Variants in MYMK observed in about 807,000 individuals in gnomAD.
MYMK encodes the protein protein myomaker.
Under a neutral mutation model 22.4 loss-of-function variants are expected in MYMK, and 16 were observed. The ratio of observed to expected loss-of-function variants is 0.72; its 90% CI spans 0.48 to 1.09. MYMK has a LOEUF of 1.09. Ranked by LOEUF, MYMK falls within the 50% of genes least tolerant of loss-of-function variation. The pLI, the probability that MYMK is intolerant of heterozygous loss-of-function variation, is 0.00. For synonymous variants in MYMK, 125 were observed against 127.0 expected (o/e 0.98, Z 0.11); for missense variants, 250 against 295.6 (o/e 0.85, Z 1.13).
At position 133,517,119 on chromosome 9, in the gene MYMK, T is replaced by C. The variant is rs186300537; in HGVS notation, c.400-1512A>G. On this transcript the variant is annotated intron_variant, in intron 3 of 4. Transcript: ENST00000339996. The stretch of plus-strand genomic sequence containing the variant: ...GAATTCTCTTCTGGGCAATTACAGT[T>C]CAGCCCAGTTCAGACCTGGCCAAGA... Among the ~76,000 whole-genome samples, 364 of 152,146 alleles carry C rather than the reference T, an allele frequency of 2.4e-3. 3 individuals are homozygous for C. The highest frequency in any genetic ancestry group is 8.4e-3 in the African/African-American group (349 of 41,510).
rs55803657 is a variant in MYMK at position 133,521,432 on chromosome 9, G to A, written c.136-1144C>T. Reference sequence around the variant, plus strand: ...GGAGCGGGGGCCCTGGGTGATCTGGGGGGCAGGCAATTCGGGGTCAAAGTG... The same window carrying A: ...GGAGCGGGGGCCCTGGGTGATCTGGAGGGCAGGCAATTCGGGGTCAAAGTG... On this transcript the variant is annotated intron_variant, in intron 1 of 4. Coordinates refer to ENST00000339996, the MANE Select transcript of MYMK (RefSeq NM_001080483.3). 3.9e-3 allele frequency among the ~76,000 whole-genome samples: 586 copies of A among 152,204 alleles called. 3 individuals carry two copies. Among genetic ancestry groups the A allele is most frequent in the Admixed American group, 6.0e-3 (92 of 15,294 alleles).
At chr9:133,520,637 C>T (rs1320485539) in intron 1 of MYMK, among the ~76,000 whole-genome samples, 2 of 151,956 alleles carry the variant, frequency 1.3e-5, no homozygotes, top group East Asian at 3.9e-4. Flanking sequence ...GGGCGGTCTC[C>T]GGGAGGGACC....
chr9:133,517,701 G>A (rs1391528686), intron 3 of MYMK, among the ~76,000 whole-genome samples: 1 of 146,756 alleles, frequency 6.8e-6, no homozygotes, highest in East Asian at 2.0e-4. Context: ...TTCTGGCCCC[G>A]CCACTGCCCT....
chr9:133,515,540 G>C lies in MYMK; in HGVS notation c.467C>G (p.Pro156Arg). Residue 156 changes from proline (P) to arginine (R), a missense_variant, in exon 4 of 5, where the codon CCC becomes CGC. Pro to Arg is a moderately radical substitution (Grantham distance 103). Coordinates refer to ENST00000339996, the MANE Select transcript of MYMK (RefSeq NM_001080483.3). This position sits in a 1 kb window ranked among gnomAD's most constrained non-coding sequence, Gnocchi z 5.8. ...DKSVYTQQIG[P>R]GLCFGALALM... ...GGCCAGCGCCCCGAAGCAGAGGCCG[G>C]GGCCTATCTGCTGGGTGTAGACGCT... 6.2e-7 allele frequency: 1 copy of C among 1,614,048 alleles called. No homozygotes were observed. The highest frequency in any genetic ancestry group is 8.5e-7 in the Non-Finnish European group (1 of 1,179,900).
chr9:133,522,344 G>GGT (rs774200527), intron 1 of MYMK, among the ~76,000 whole-genome samples: 3 of 45,292 alleles, frequency 6.6e-5, no homozygotes, highest in African/African-American at 1.6e-4. Flanking sequence ...AGTGGCTGTC[G>GGT]GGGGGGGGCC....
In MYMK at chr9:133,524,704, A is replaced by G. The variant is rs752621552; in HGVS notation, c.135+6T>C. 1 of 1,614,062 alleles carries G rather than the reference A, an allele frequency of 6.2e-7. No homozygotes were observed. The highest frequency in any genetic ancestry group is 8.5e-7 in the Non-Finnish European group (1 of 1,180,014). On this transcript the variant is annotated splice_donor_region_variant and intron_variant, in intron 1 of 4. Coordinates refer to ENST00000339996, the MANE Select transcript of MYMK (RefSeq NM_001080483.3). ...TGTGGGACTTCCTCCCAGCCCCCAG[A>G]CTCACCGCCACGAAGAACAGGGTGA... is the stretch of plus-strand genomic sequence containing the variant.
intron 1 of MYMK, among the ~76,000 whole-genome samples, chr9:133,524,276 C>A (rs1417475912): frequency 2.0e-5 from 3 of 152,172 alleles, no homozygotes; most frequent in African/African-American, 7.2e-5. Context: ...CTGAACCCTG[C>A]AGACCCCTTC....
At chr9:133,516,176 G>T (rs1384148697) in intron 3 of MYMK, among the ~76,000 whole-genome samples, 1 of 152,278 alleles carries the variant, frequency 6.6e-6, no homozygotes, top group African/African-American at 2.4e-5. Context: ...TTACAGAGGG[G>T]TTTGCATTCC....
chr9:133,514,839 C>A (rs1394799882), intron 4 of MYMK, 54 bp from the exon 5 acceptor site: 2 of 1,578,404 alleles, frequency 1.3e-6, no homozygotes, highest in Non-Finnish European at 1.7e-6. Flanking sequence ...CGAGGCTCCT[C>A]CCTCTCCAAG....
In MYMK at chr9:133,524,779, G is replaced by C. The variant is rs756927475; in HGVS notation, c.66C>G (p.Val22=). Reference sequence around the variant, plus strand: ...GGAACCGCCTCTTGGCCGCGATGCTGACAGTGGGGAGGAAGGCCAGGCTGC... The same window carrying C: ...GGAACCGCCTCTTGGCCGCGATGCTCACAGTGGGGAGGAAGGCCAGGCTGC... ...TLSSLAFLPT[V]SIAAKRRFHM... The change falls in exon 1 of 5, where the codon GTC becomes GTG. Residue 22 remains valine, a synonymous_variant. Transcript: ENST00000339996. 49 of 1,614,132 alleles carry C rather than the reference G, an allele frequency of 3.0e-5. No homozygotes were observed. In the Admixed American group the frequency reaches 5.2e-4, roughly 17 times the overall value.
chr9:133,516,436 G>A (rs1311866210), intron 3 of MYMK, among the ~76,000 whole-genome samples: 1 of 152,220 alleles, frequency 6.6e-6, no homozygotes, highest in African/African-American at 2.4e-5. Flanking sequence ...ACACTCAGGA[G>A]GCTATAGATT....
chr9:133,517,008 G>A (rs1009596201), intron 3 of MYMK, among the ~76,000 whole-genome samples: 4 of 152,140 alleles, frequency 2.6e-5, no homozygotes, highest in African/African-American at 9.7e-5. Context: ...GCGGGGAGGC[G>A]GGCAGCCCAT....
At chr9:133,517,638 C>CT (rs1844646585) in intron 3 of MYMK, among the ~76,000 whole-genome samples, 1 of 149,068 alleles carries the variant, frequency 6.7e-6, no homozygotes, top group Non-Finnish European at 1.5e-5. Context: ...TGCACTCCAG[C>CT]CTGGGTGACA....
Position 133,515,501 on chromosome 9 carries a change from A to C in MYMK, c.506T>G (p.Phe169Cys), listed in dbSNP as rs762186561. 102 of 1,610,704 alleles carry C rather than the reference A, an allele frequency of 6.3e-5. No individual in the cohort carries two copies. The highest frequency in any genetic ancestry group is 8.4e-5 in the Non-Finnish European group (99 of 1,177,156). The change falls in exon 4 of 5, where the codon TTC (phenylalanine) becomes TGC (cysteine). Residue 169 changes from phenylalanine (F) to cysteine (C), a missense_variant. Physicochemically the swap from Phe to Cys is radical, Grantham distance 205. Transcript: ENST00000339996. This position sits in a 1 kb window ranked among gnomAD's most constrained non-coding sequence, Gnocchi z 5.8. ...CGCTGGGCTTGGTACCTCAAAGAAGAAGCGTAGCATCAGGGCCAGCGCCCC... is the reference window on the plus strand; with the variant it reads ...CGCTGGGCTTGGTACCTCAAAGAAGCAGCGTAGCATCAGGGCCAGCGCCCC... ...CFGALALMLRFFFEDWDYTYV... is the reference protein window; with the variant it reads ...CFGALALMLRCFFEDWDYTYV...
At chr9:133,517,843 C>T (rs776933562) in intron 3 of MYMK, among the ~76,000 whole-genome samples, 2 of 152,164 alleles carry the variant, frequency 1.3e-5, no homozygotes, top group Non-Finnish European at 2.9e-5. Context: ...CACCAGAACT[C>T]GAGCGCTCTC....
chr9:133,517,597 C>T (rs1025086487), intron 3 of MYMK, among the ~76,000 whole-genome samples: 7 of 148,888 alleles, frequency 4.7e-5, no homozygotes, highest in East Asian at 3.9e-4. Context: ...ACCCGGGAGG[C>T]GGAGGTTGCA....
At chr9:133,519,686 C>A (rs1844674648) in intron 2 of MYMK, among the ~76,000 whole-genome samples, 1 of 152,148 alleles carries the variant, frequency 6.6e-6, no homozygotes, top group Non-Finnish European at 1.5e-5. Flanking sequence ...TGGCAAGGAG[C>A]CTCAGGTCAT....
chr9:133,514,897 C>T, intron 4 of MYMK, 112 bp from the exon 5 acceptor site: 1 of 1,239,750 alleles, frequency 8.1e-7, no homozygotes, highest in East Asian at 2.5e-5. Flanking sequence ...GGCACTGGGA[C>T]ACCTGCAGGA....
chr9:133,518,361 T>C (rs1345488545), intron 3 of MYMK, among the ~76,000 whole-genome samples: 1 of 152,200 alleles, frequency 6.6e-6, no homozygotes. Context: ...CTCTCCCTCC[T>C]GGCTAGAACC....
Sources: allele counts gnomAD v4.1 joint callset (sites outside exome capture counted in the v4.1 genomes callset), GRCh38; gene constraint gnomAD v4.1.1; non-coding constraint Gnocchi (gnomAD v3.1); transcripts MANE v1.5; gene names NCBI Gene and HGNC (gene_info 2026-07-23, HGNC 2026-07-21).